The following MTRES1 variants were observed in gnomAD, a reference collection of about 807,000 sequenced individuals.
The protein encoded by MTRES1 is uncharacterized protein C6orf203.
A neutral mutation model predicts 17.4 loss-of-function variants in MTRES1; 11 were observed. That is an observed-to-expected ratio of 0.63 (90% CI 0.40 to 1.05). The LOEUF is 1.05. Among genes scored for constraint, MTRES1 ranks in the 50% least tolerant of loss-of-function variants. MTRES1 has a pLI of 0.00. For missense variants in MTRES1, 268 were observed against 276.2 expected, an observed-to-expected ratio of 0.97 and a Z score of 0.21; for synonymous variants, 94 against 99.6, an observed-to-expected ratio of 0.94 and a Z score of 0.34.
chr6:107,045,351 G>A (rs1223029226), intron 3 of MTRES1, among the ~76,000 whole-genome samples: 1 of 152,112 alleles, frequency 6.6e-6, no homozygotes, highest in Non-Finnish European at 1.5e-5. Context: ...GGGTGTGGTG[G>A]TGGGCGCCTG....
chr6:107,042,053 A>G (rs1223250194), intron 2 of MTRES1, among the ~76,000 whole-genome samples: 11 of 151,860 alleles, frequency 7.2e-5, no homozygotes, highest in African/African-American at 2.7e-4. Flanking sequence ...AGAGATTCAT[A>G]AAAAGGGCCG....
intron 1 of MTRES1, among the ~76,000 whole-genome samples, chr6:107,031,703 C>T (rs991512621): frequency 1.3e-5 from 2 of 151,982 alleles, no homozygotes; most frequent in Admixed American, 6.6e-5. Context: ...CGGGTTCAAG[C>T]GGTTCTCGTG....
Position 107,035,211 on chromosome 6 carries a change from G to A in MTRES1, c.-12-4538G>A, listed in dbSNP as rs186493711. 9.5e-4 allele frequency among the ~76,000 whole-genome samples: 143 copies of A among 151,134 alleles called. 1 individual carries two copies. The East Asian group carries it at 0.023, about 24-fold the overall frequency. On this transcript the variant is annotated intron_variant, in intron 1 of 3. Transcript: ENST00000311381. ...TGCAATGACACAATCTCGGCTCACC[G>A]CAACCTCCGCCTCCCAGGTTCAAGC...
chr6:107,051,247 T>G lies in MTRES1; in HGVS notation c.*11T>G, dbSNP rs1774597807. ...AGAATGTCTAAATAAATGGATTGCTTTTTAGCAATAGAGCTGCTTTCTAGT... is the reference window on the plus strand; with the variant it reads ...AGAATGTCTAAATAAATGGATTGCTGTTTAGCAATAGAGCTGCTTTCTAGT... On this transcript the variant is annotated 3_prime_UTR_variant, in exon 4 of 4. Transcript: ENST00000311381. 6.2e-7 allele frequency: 1 copy of G among 1,605,748 alleles called. No homozygotes were observed. The highest frequency in any genetic ancestry group is 8.5e-7 in the Non-Finnish European group (1 of 1,174,978).
At chr6:107,037,672 A>G (rs1487480992) in intron 1 of MTRES1, among the ~76,000 whole-genome samples, 1 of 152,126 alleles carries the variant, frequency 6.6e-6, no homozygotes, top group Non-Finnish European at 1.5e-5. Flanking sequence ...TACTTCAGGT[A>G]GTTTCTAGTC....
intron 1 of MTRES1, chr6:107,028,875 C>T: frequency 1.0e-6 from 1 of 985,318 alleles, no homozygotes; most frequent in Non-Finnish European, 1.2e-6. Context: ...CATCTCTCCA[C>T]TCATCCCACA....
chr6:107,044,168 G>T, intron 2 of MTRES1, 92 bp from the exon 3 acceptor site: 1 of 828,512 alleles, frequency 1.2e-6, no homozygotes. Flanking sequence ...GTGTAGTTTT[G>T]TTACGTGGAT....
intron 1 of MTRES1, among the ~76,000 whole-genome samples, chr6:107,030,976 G>T (rs1773816459): frequency 6.6e-6 from 1 of 152,188 alleles, no homozygotes; most frequent in Non-Finnish European, 1.5e-5. Flanking sequence ...TTGATGTCTT[G>T]ATAATGCATT....
intron 1 of MTRES1, chr6:107,029,991 G>GTTTTT (rs369045606): frequency 3.4e-6 from 2 of 584,882 alleles, no homozygotes; most frequent in African/African-American, 2.0e-5. Context: ...TTTACAGGGT[G>GTTTTT]TTTTTTTTTT....
At chr6:107,037,129 T>C (rs1232006906) in intron 1 of MTRES1, among the ~76,000 whole-genome samples, 3 of 152,006 alleles carry the variant, frequency 2.0e-5, no homozygotes, top group African/African-American at 7.2e-5. Context: ...CAATGAAATA[T>C]ACAGCCTGGG....
chr6:107,046,067 G>A lies in MTRES1; in HGVS notation c.543+1735G>A, dbSNP rs74486012. 1.1e-3 allele frequency among the ~76,000 whole-genome samples: 169 copies of A among 152,330 alleles called. 1 individual carries two copies. The highest frequency in any genetic ancestry group is 3.9e-3 in the African/African-American group (164 of 41,588). ...AAGCTGTCTCAGCCCCCAAGTCCCAGGGCCCTGGTGATGCCCCTGACTTGA... is the reference window on the plus strand; with the variant it reads ...AAGCTGTCTCAGCCCCCAAGTCCCAAGGCCCTGGTGATGCCCCTGACTTGA... On this transcript the variant is annotated intron_variant, in intron 3 of 3. Transcript: ENST00000311381.
chr6:107,033,662 C>G (rs957859825), intron 1 of MTRES1, among the ~76,000 whole-genome samples: 1 of 151,988 alleles, frequency 6.6e-6, no homozygotes, highest in African/African-American at 2.4e-5. Context: ...ACCAAAGATA[C>G]AAAAAATTAG....
intron 3 of MTRES1, 68 bp from the exon 4 acceptor site, chr6:107,050,989 C>A: frequency 1.6e-6 from 2 of 1,286,202 alleles, no homozygotes; most frequent in Non-Finnish European, 1.1e-6. Flanking sequence ...AAACTCAGAG[C>A]AGTAATGTTT....
At chr6:107,037,269 C>G (rs988128631) in intron 1 of MTRES1, among the ~76,000 whole-genome samples, 1 of 152,076 alleles carries the variant, frequency 6.6e-6, no homozygotes, top group Non-Finnish European at 1.5e-5. Context: ...GGGGTTTCAC[C>G]ATGTTGGCCA....
chr6:107,040,239 GA>G lies in MTRES1; in HGVS notation c.470+10del, dbSNP rs1562280918. 1 of 1,569,850 alleles carries G rather than the reference GA, an allele frequency of 6.4e-7. No homozygotes were observed. On this transcript the variant is annotated intron_variant, in intron 2 of 3. Coordinates refer to ENST00000311381, the MANE Select transcript of MTRES1 (RefSeq NM_016487.5). ...CTAGATATTGGGAGAAAGTGAGTAT[GA>G]TACGCATTTCATTATAAACTCGCTC...
intron 1 of MTRES1, among the ~76,000 whole-genome samples, chr6:107,036,948 A>T (rs1332257903): frequency 6.6e-6 from 1 of 151,748 alleles, no homozygotes; most frequent in Non-Finnish European, 1.5e-5. Context: ...TATCTTTCTC[A>T]ATTTTGTTTT....
At chr6:107,036,500 G>T (rs572184952) in intron 1 of MTRES1, among the ~76,000 whole-genome samples, 5 of 151,630 alleles carry the variant, frequency 3.3e-5, no homozygotes, top group Non-Finnish European at 7.4e-5. Context: ...AGATCGAGCC[G>T]TTTCACTCCA....
chr6:107,029,538 C>A (rs1422640578), intron 1 of MTRES1, among the ~76,000 whole-genome samples: 1 of 146,804 alleles, frequency 6.8e-6, no homozygotes, highest in Non-Finnish European at 1.5e-5. Context: ...GGCTAGAATG[C>A]ACTGGTGTGA....
chr6:107,038,845 G>A (rs1359811331), intron 1 of MTRES1, among the ~76,000 whole-genome samples: 26 of 152,054 alleles, frequency 1.7e-4, no homozygotes, highest in Admixed American at 1.7e-3. Flanking sequence ...ACCTGAGGTT[G>A]GGAGTTCAAG....
Sources: allele counts gnomAD v4.1 joint callset (sites outside exome capture counted in the v4.1 genomes callset), GRCh38; gene constraint gnomAD v4.1.1; transcripts MANE v1.5; gene names NCBI Gene and HGNC (gene_info 2026-07-23, HGNC 2026-07-21).